DLGAP1: variants seen among roughly 807,000 people sequenced by gnomAD.
DLGAP1 encodes DLG associated protein 1, also known as disks large-associated protein 1.
In DLGAP1, 11 loss-of-function variants were observed where a neutral mutation model predicts 90.8. The observed-to-expected ratio is 0.12, with a 90% confidence interval of 0.08 to 0.20. DLGAP1 has a LOEUF of 0.20. Ranked by LOEUF, DLGAP1 falls within the 10% of genes least tolerant of loss-of-function variation. The probability of loss-of-function intolerance (pLI) is 1.00; values close to 1 mark genes in which losing one functional copy is unlikely to be tolerated. For synonymous variants in DLGAP1, 558 were observed against 540.7 expected (o/e 1.03, Z -0.44); for missense variants, 1,050 against 1,333.8 (o/e 0.79, Z 3.31).
In DLGAP1 at chr18:4,357,779, T is replaced by A. The variant is rs535510133; in HGVS notation, c.-267+97227A>T. ...TGCTTCGCAGCGCCTCTCCACTGAT[T>A]AACAAACAGGCCCCTTTGGAGGGCA... On this transcript the variant is annotated intron_variant, in intron 1 of 12. Coordinates refer to ENST00000315677, the MANE Select transcript of DLGAP1 (RefSeq NM_004746.4). 1.2e-4 allele frequency among the ~76,000 whole-genome samples: 18 copies of A among 152,282 alleles called. 1 individual carries two copies. The South Asian group carries it at 3.5e-3, about 30-fold the overall frequency.
chr18:3,563,390 T>C (rs2145057008), intron 9 of DLGAP1, among the ~76,000 whole-genome samples: 1 of 152,280 alleles, frequency 6.6e-6, no homozygotes, highest in East Asian at 1.9e-4. Context: ...CTCCTTCTTG[T>C]ATTCCTCTCT....
In DLGAP1 at chr18:4,249,637, G is replaced by T. The variant is rs183985017; in HGVS notation, c.-266-98350C>A. ...GGGTCTCACTCAATTGCCTAGGCTG[G>T]TGTGCAGTGGTGCAATCATAGCTCA... is the stretch of plus-strand genomic sequence containing the variant. On this transcript the variant is annotated intron_variant, in intron 1 of 12. Coordinates refer to ENST00000315677, the MANE Select transcript of DLGAP1 (RefSeq NM_004746.4). Among the ~76,000 whole-genome samples, 128 of 152,180 alleles carry T rather than the reference G, an allele frequency of 8.4e-4. 3 individuals are homozygous for T. Among genetic ancestry groups the T allele is most frequent in the East Asian group, 5.8e-4 (3 of 5,170 alleles).
intron 1 of DLGAP1, among the ~76,000 whole-genome samples, chr18:4,303,403 G>A (rs2080174338): frequency 6.6e-6 from 1 of 152,098 alleles, no homozygotes; most frequent in African/African-American, 2.4e-5. Context: ...GTGTGCTGTA[G>A]CAACCACAGC....
chr18:4,234,720 T>C lies in DLGAP1; in HGVS notation c.-266-83433A>G, dbSNP rs1168912941. 2.6e-5 allele frequency among the ~76,000 whole-genome samples: 4 copies of C among 152,202 alleles called. No homozygotes were observed. The East Asian group carries it at 7.7e-4, about 29-fold the overall frequency. ...ACAAATTTAGTGCCACTCAGATAAC[T>C]GTAGTAATTATATACTATGTCAACT... is the stretch of plus-strand genomic sequence containing the variant. On this transcript the variant is annotated intron_variant, in intron 1 of 12. Transcript: ENST00000315677.
chr18:3,729,335 C>T lies in DLGAP1; in HGVS notation c.1391G>A (p.Cys464Tyr). Residue 464 changes from cysteine to tyrosine, a missense_variant, in exon 7 of 13, where the codon TGC (cysteine) becomes TAC (tyrosine). Around this residue, in one of 2 missense-constraint regions of DLGAP1, gnomAD observed 565 missense variants for 879.7 expected, o/e 0.64. Transcript: ENST00000315677. This position sits in a 1 kb window ranked among gnomAD's most constrained non-coding sequence, Gnocchi z 6.2. ...MEVNGQFESV[C>Y]ESVFSELESQ... is the part of the protein sequence containing the mutation. ...CTCCAGCTCGCTGAACACGGACTCGCACACGGACTCGAACTGCCCGTTCAC... is the reference window on the plus strand; with the variant it reads ...CTCCAGCTCGCTGAACACGGACTCGTACACGGACTCGAACTGCCCGTTCAC... 6.2e-7 allele frequency: 1 copy of T among 1,613,954 alleles called. No individual in the cohort carries two copies. Among genetic ancestry groups the T allele is most frequent in the Non-Finnish European group, 8.5e-7 (1 of 1,179,848 alleles).
intron 5 of DLGAP1, among the ~76,000 whole-genome samples, chr18:3,751,822 C>A (rs1305506492): frequency 2.0e-5 from 3 of 150,724 alleles, no homozygotes; most frequent in Non-Finnish European, 4.4e-5. Flanking sequence ...CTTGGCCTCC[C>A]AAAGTGCTGG....
intron 1 of DLGAP1, among the ~76,000 whole-genome samples, chr18:4,297,153 AGGAAG>A (rs2080003370): frequency 6.6e-6 from 1 of 152,228 alleles, no homozygotes; most frequent in African/African-American, 2.4e-5. Flanking sequence ...CAACAGTATA[AGGAAG>A]ATATGCCAAT....
intron 7 of DLGAP1, among the ~76,000 whole-genome samples, chr18:3,703,200 G>C (rs1043682685): frequency 2.6e-5 from 4 of 152,138 alleles, no homozygotes; most frequent in African/African-American, 9.7e-5. Context: ...TGTGTCTCAG[G>C]ATCACCGGAT....
In DLGAP1 at chr18:3,957,992, C is replaced by A. The variant is rs180936157; in HGVS notation, c.-73+47124G>T. Among the ~76,000 whole-genome samples, 38 of 151,422 alleles carry A rather than the reference C, an allele frequency of 2.5e-4. 1 individual carries two copies. The highest frequency in any genetic ancestry group is 8.5e-4 in the African/African-American group (35 of 41,186). The stretch of plus-strand genomic sequence containing the variant: ...CACTGCAACCTCTGCCTCCCAGGTT[C>A]AAGAAATTCTCATGCCTCAGCCTCC... On this transcript the variant is annotated intron_variant, in intron 3 of 12. Transcript: ENST00000315677.
At chr18:4,387,341 T>C (rs2082250292) in intron 1 of DLGAP1, among the ~76,000 whole-genome samples, 1 of 152,352 alleles carries the variant, frequency 6.6e-6, no homozygotes. Context: ...CACAAGGCTA[T>C]ACATAAGTAA....
At chr18:4,453,007 A>T (rs960738363) in intron 1 of DLGAP1, among the ~76,000 whole-genome samples, 18 of 152,208 alleles carry the variant, frequency 1.2e-4, no homozygotes, top group African/African-American at 3.1e-4. Context: ...CTATAAATTT[A>T]AAAAAATCTA....
intron 2 of DLGAP1, among the ~76,000 whole-genome samples, chr18:4,123,127 C>A (rs1347985578): frequency 6.6e-6 from 1 of 152,128 alleles, no homozygotes; most frequent in Non-Finnish European, 1.5e-5. Context: ...CCTTCCAGCT[C>A]TTTCTCCCTC....
At chr18:4,217,131 C>G (rs537527437) in intron 1 of DLGAP1, among the ~76,000 whole-genome samples, 9 of 152,076 alleles carry the variant, frequency 5.9e-5, no homozygotes, top group Non-Finnish European at 1.0e-4. Context: ...TGAGAAGATG[C>G]AGTATACAGC....
intron 7 of DLGAP1, among the ~76,000 whole-genome samples, chr18:3,621,822 G>C (rs2058104303): frequency 6.6e-6 from 1 of 152,120 alleles, no homozygotes; most frequent in South Asian, 2.1e-4. Flanking sequence ...AAAGAAATTA[G>C]CTGGGCATGG....
chr18:3,635,432 C>T lies in DLGAP1; in HGVS notation c.1592-53184G>A, dbSNP rs574350214. 3.3e-5 allele frequency among the ~76,000 whole-genome samples: 5 copies of T among 151,574 alleles called. No individual in the cohort carries two copies. In the East Asian group the frequency reaches 1.0e-3, roughly 30 times the overall value. Reference sequence around the variant, plus strand: ...GGGATTACAGGCGTGAGCCACCGCGCCCGGCCTGTCTGTCCCATTTTTTTG... The same window carrying T: ...GGGATTACAGGCGTGAGCCACCGCGTCCGGCCTGTCTGTCCCATTTTTTTG... On this transcript the variant is annotated intron_variant, in intron 7 of 12. Coordinates refer to ENST00000315677, the MANE Select transcript of DLGAP1 (RefSeq NM_004746.4).
rs144826097 is a variant in DLGAP1 at position 4,097,224 on chromosome 18, C to T, written c.-159+53956G>A. Among the ~76,000 whole-genome samples, 4 of 152,350 alleles carry T rather than the reference C, an allele frequency of 2.6e-5. No homozygotes were observed. In the East Asian group the frequency reaches 7.7e-4, roughly 29 times the overall value. On this transcript the variant is annotated intron_variant, in intron 2 of 12. Coordinates refer to ENST00000315677, the MANE Select transcript of DLGAP1 (RefSeq NM_004746.4). ...GTCCCAACCTCTCACTAGTCTACTG[C>T]ATTATGCTCAGTCCGTGGTGGGGAT...
intron 3 of DLGAP1, among the ~76,000 whole-genome samples, chr18:3,926,033 G>A (rs1346029540): frequency 6.6e-6 from 1 of 152,140 alleles, no homozygotes; most frequent in African/African-American, 2.4e-5. Context: ...ACAGCAATTC[G>A]GAAACATACT....
Position 3,938,821 on chromosome 18 carries a change from G to T in DLGAP1, c.-72-58681C>A, listed in dbSNP as rs568740451. Among the ~76,000 whole-genome samples, 355 of 152,248 alleles carry T rather than the reference G, an allele frequency of 2.3e-3. 3 individuals carry two copies. The highest frequency in any genetic ancestry group is 9.8e-3 in the South Asian group (47 of 4,816). The stretch of plus-strand genomic sequence containing the variant: ...AATGGGAGGTGGCTGGAGGCATGCT[G>T]GCTGCTGGGTGGGAATACACAGTAG... On this transcript the variant is annotated intron_variant, in intron 3 of 12. Coordinates refer to ENST00000315677, the MANE Select transcript of DLGAP1 (RefSeq NM_004746.4).
chr18:4,102,131 A>C (rs1306568386), intron 2 of DLGAP1, among the ~76,000 whole-genome samples: 2 of 152,182 alleles, frequency 1.3e-5, no homozygotes, highest in Non-Finnish European at 2.9e-5. Flanking sequence ...ATGAAGGAGT[A>C]AACTTTTTAC....
Sources: gnomAD v4.1 joint callset for allele counts (sites outside exome capture counted in the v4.1 genomes callset) on GRCh38, gnomAD v4.1.1 for gene constraint, gnomAD v4.1.1 regional missense constraint, Gnocchi (gnomAD v3.1) non-coding constraint, MANE v1.5 for transcripts, NCBI Gene and HGNC (gene_info 2026-07-23, HGNC 2026-07-21) for gene names.